HMCN1: variants seen among roughly 807,000 people sequenced by gnomAD.
HMCN1 encodes hemicentin-1.
In HMCN1, 321 loss-of-function variants were observed where a neutral mutation model predicts 625.9. The observed-to-expected ratio is 0.51, with a 90% CI of 0.47 to 0.56. The LOEUF (loss-of-function observed/expected upper bound fraction) is 0.56, where lower values mean the gene tolerates loss of function less well. HMCN1 is among the 20% of genes least tolerant of loss of function. HMCN1 has a pLI of 0.00. For synonymous variants in HMCN1, 2,425 were observed against 2,417.6 expected, an observed-to-expected ratio of 1.00 and a Z score of -0.09; for missense variants, 6,588 against 6,887.3, an observed-to-expected ratio of 0.96 and a Z score of 1.54.
At chr1:185,838,724 A>G (rs1004438467) in intron 1 of HMCN1, among the ~76,000 whole-genome samples, 13 of 152,226 alleles carry the variant, frequency 8.5e-5, no homozygotes, top group Admixed American at 3.9e-4. Flanking sequence ...AGAGCAGGAC[A>G]TTGTCATAAA....
chr1:186,156,757 G>A (rs539079235), intron 97 of HMCN1, among the ~76,000 whole-genome samples: 1 of 152,290 alleles, frequency 6.6e-6, no homozygotes, highest in South Asian at 2.1e-4. Context: ...AAACAAATAT[G>A]TAAGTTATGG....
At chr1:186,014,435 A>C (rs905011428) in intron 30 of HMCN1, among the ~76,000 whole-genome samples, 1 of 152,024 alleles carries the variant, frequency 6.6e-6, no homozygotes, top group African/African-American at 2.4e-5. Flanking sequence ...TGATACTCAA[A>C]TTCATACACA....
At chr1:185,978,284 T>A in intron 16 of HMCN1, 1 of 287,716 alleles carries the variant, frequency 3.5e-6, no homozygotes, top group South Asian at 4.7e-5. Flanking sequence ...AGATAAGTGG[T>A]CACATTACCT....
At position 186,071,990 on chromosome 1, in the gene HMCN1, G is replaced by A. The variant is rs969146129; in HGVS notation, c.8139+1233G>A. Reference sequence around the variant, plus strand: ...AGACTAAAAGTGCACAGGAAATGAGGCATTTTTGTCTTATTTTTGAAAATT... The same window carrying A: ...AGACTAAAAGTGCACAGGAAATGAGACATTTTTGTCTTATTTTTGAAAATT... On this transcript the variant is annotated intron_variant, in intron 52 of 106. Transcript: ENST00000271588. 3.9e-5 allele frequency among the ~76,000 whole-genome samples: 6 copies of A among 152,182 alleles called. No homozygotes were observed. In the South Asian group the frequency reaches 1.2e-3, roughly 32 times the overall value.
chr1:185,932,288 A>G (rs572267695), intron 10 of HMCN1, among the ~76,000 whole-genome samples: 17 of 152,230 alleles, frequency 1.1e-4, no homozygotes, highest in Non-Finnish European at 2.2e-4. Flanking sequence ...ATATAACAAA[A>G]TATGGAAAAC....
In HMCN1 at chr1:186,052,934, A is replaced by AT. The variant is rs773725940; in HGVS notation, c.6578-13dup. ...TATATGAAATGAGTGGAAAAATCAT[A>AT]TTTTTATTTTTTTCTAGTCCCCCCA... On this transcript the variant is annotated splice_polypyrimidine_tract_variant and intron_variant, in intron 42 of 106. Transcript: ENST00000271588. The AT allele has an allele frequency of 1.3e-5, 20 of 1,590,152 alleles. No homozygotes were observed. The highest frequency in any genetic ancestry group is 1.7e-5 in the Non-Finnish European group (20 of 1,159,244).
At chr1:185,796,710 A>G (rs1214366129) in intron 1 of HMCN1, among the ~76,000 whole-genome samples, 3 of 152,190 alleles carry the variant, frequency 2.0e-5, no homozygotes, top group African/African-American at 7.2e-5. Context: ...GCACATACAT[A>G]TATACACACA....
At chr1:186,022,155 A>T (rs532094406) in intron 35 of HMCN1, among the ~76,000 whole-genome samples, 1 of 152,136 alleles carries the variant, frequency 6.6e-6, no homozygotes, top group South Asian at 2.1e-4. Context: ...GGAAGGACAC[A>T]TGTAGAGCTC....
chr1:186,171,276 C>G lies in HMCN1; in HGVS notation c.15575-61C>G, dbSNP rs370489843. On this transcript the variant is annotated intron_variant, in intron 100 of 106. Coordinates refer to ENST00000271588, the MANE Select transcript of HMCN1 (RefSeq NM_031935.3). The stretch of plus-strand genomic sequence containing the variant: ...TGATCAAGATCATTAAAATGTTAAA[C>G]ATTTGGGATAAATTCAGGTTTCCTA... The G allele has an allele frequency of 6.1e-6, 7 of 1,153,568 alleles. No homozygotes were observed. In the South Asian group the frequency reaches 8.6e-5, roughly 14 times the overall value. The allele number at this position is 1,153,568 out of a possible 1,614,324, so 71.5% of individuals were successfully genotyped here. A position where few individuals can be genotyped will look rare whatever the true frequency, so the allele number is the denominator to read the frequency against.
chr1:186,165,057 CCAGGGG>C, intron 97 of HMCN1, 48 bp from the exon 98 acceptor site: 1 of 1,483,524 alleles, frequency 6.7e-7, no homozygotes, highest in Non-Finnish European at 9.4e-7. Flanking sequence ...TGGAAAGAAG[CCAGGGG>C]CAACTATTCC....
intron 69 of HMCN1, among the ~76,000 whole-genome samples, chr1:186,105,089 T>C (rs1660551483): frequency 6.6e-6 from 1 of 152,214 alleles, no homozygotes. Flanking sequence ...TGTTAAATGA[T>C]GGCCAGATTT....
At chr1:185,884,330 G>A (rs1164112029) in intron 4 of HMCN1, among the ~76,000 whole-genome samples, 2 of 151,992 alleles carry the variant, frequency 1.3e-5, no homozygotes, top group Non-Finnish European at 2.9e-5. Context: ...TGCACAGATT[G>A]TTATTTAGAC....
At chr1:185,784,531 T>C (rs186030424) in intron 1 of HMCN1, among the ~76,000 whole-genome samples, 65 of 152,160 alleles carry the variant, frequency 4.3e-4, no homozygotes, top group African/African-American at 1.6e-3. Flanking sequence ...GCCTTTTTAT[T>C]GCTGGAAATT....
chr1:185,845,300 C>A (rs998399138), intron 1 of HMCN1, among the ~76,000 whole-genome samples: 2 of 152,184 alleles, frequency 1.3e-5, no homozygotes, highest in Non-Finnish European at 2.9e-5. Flanking sequence ...TCACTGCAAC[C>A]TCCACCTCCT....
chr1:186,088,775 A>T lies in HMCN1; in HGVS notation c.9727+20A>T. 6.3e-7 allele frequency: 1 copy of T among 1,595,714 alleles called. No homozygotes were observed. ...TTCAAGGTATGTATTGTCCACTATGATCTATCTTCAATTTCTTTGTTATTC... is the reference window on the plus strand; with the variant it reads ...TTCAAGGTATGTATTGTCCACTATGTTCTATCTTCAATTTCTTTGTTATTC... On this transcript the variant is annotated intron_variant, in intron 63 of 106. Coordinates refer to ENST00000271588, the MANE Select transcript of HMCN1 (RefSeq NM_031935.3).
intron 29 of HMCN1, among the ~76,000 whole-genome samples, chr1:186,004,177 T>TA (rs1653391808): frequency 6.6e-6 from 1 of 152,152 alleles, no homozygotes; most frequent in Admixed American, 6.6e-5. Context: ...ACTGTCTTAT[T>TA]AAAAAGGAAA....
chr1:185,734,702 A>AC lies in HMCN1; in HGVS notation c.-75dup. 3 of 1,405,278 alleles carry AC rather than the reference A, an allele frequency of 2.1e-6. No individual in the cohort carries two copies. Among genetic ancestry groups the AC allele is most frequent in the Non-Finnish European group, 3.0e-6 (3 of 995,470 alleles). 87.1% of individuals were successfully genotyped at this position (1,405,278 alleles called of 1,614,324 possible). On this transcript the variant is annotated 5_prime_UTR_variant, in exon 1 of 107. It removes the in-frame stop codon of an upstream open reading frame in the 5' UTR. Coordinates refer to ENST00000271588, the MANE Select transcript of HMCN1 (RefSeq NM_031935.3). ...GTCTGATGAGTTACTCTGAGAGGAA[A>AC]CCCTCTGCCTGTTGTTGAGGAGGAC... is the stretch of plus-strand genomic sequence containing the variant.
intron 4 of HMCN1, among the ~76,000 whole-genome samples, chr1:185,904,738 C>A (rs1450549896): frequency 6.6e-6 from 1 of 151,744 alleles, no homozygotes; most frequent in African/African-American, 2.4e-5. Context: ...TAGCTATGTA[C>A]CTATGCAAAT....
intron 2 of HMCN1, among the ~76,000 whole-genome samples, chr1:185,858,307 G>A (rs1454161303): frequency 6.6e-6 from 1 of 152,054 alleles, no homozygotes; most frequent in Admixed American, 6.5e-5. Flanking sequence ...ATAGATTTAA[G>A]TTCTTCAGTT....
Sources: allele counts gnomAD v4.1 joint callset (sites outside exome capture counted in the v4.1 genomes callset), GRCh38; gene constraint gnomAD v4.1.1; transcripts MANE v1.5; gene names NCBI Gene and HGNC (gene_info 2026-07-23, HGNC 2026-07-21).